HIBCH: variants seen among roughly 807,000 people sequenced by gnomAD.
The protein encoded by HIBCH is 3-hydroxyisobutyryl-CoA hydrolase, mitochondrial.
A neutral mutation model predicts 58.2 loss-of-function variants in HIBCH; 50 were observed. The observed-to-expected ratio is 0.86, with a 90% confidence interval of 0.68 to 1.09. The LOEUF is 1.09. Among genes scored for constraint, HIBCH ranks in the 50% least tolerant of loss-of-function variants. The pLI, the probability that HIBCH is intolerant of heterozygous loss-of-function variation, is 0.00. For synonymous variants in HIBCH, 151 were observed against 146.9 expected, an observed-to-expected ratio of 1.03 and a Z score of -0.20; for missense variants, 450 against 449.7, an observed-to-expected ratio of 1.00 and a Z score of -0.01.
intron 9 of HIBCH, 60 bp from the exon 10 acceptor site, chr2:190,246,272 T>TC: frequency 1.1e-6 from 1 of 922,392 alleles, no homozygotes; most frequent in Non-Finnish European, 1.7e-6. Flanking sequence ...CCTTAAAAAT[T>TC]CATATTTAAT....
intron 11 of HIBCH, among the ~76,000 whole-genome samples, chr2:190,234,099 G>A (rs1258595811): frequency 6.6e-6 from 1 of 152,208 alleles, no homozygotes; most frequent in African/African-American, 2.4e-5. Flanking sequence ...GGAGCTTGGA[G>A]TGAGCTGAGA....
In HIBCH at chr2:190,208,895, C is replaced by G; in HGVS notation, c.1030G>C (p.Glu344Gln). The G allele has an allele frequency of 6.2e-7, 1 of 1,613,684 alleles. No individual in the cohort carries two copies. The highest frequency in any genetic ancestry group is 2.2e-5 in the East Asian group (1 of 44,854). ...TGCCACTTACCAGCTCTAACGCCTT[C>G]ATGAAAGTCATGACCTCTCTGAAAG... ...QACMRGHDFH[E>Q]GVRAVLIDKD... Residue 344 changes from glutamate (E) to glutamine (Q), a missense_variant, in exon 13 of 14, where the codon GAA (glutamate) becomes CAA (glutamine). Coordinates refer to ENST00000359678, the MANE Select transcript of HIBCH (RefSeq NM_014362.4).
chr2:190,248,889 CTT>C (rs1439098005), intron 9 of HIBCH, among the ~76,000 whole-genome samples: 2 of 151,072 alleles, frequency 1.3e-5, no homozygotes, highest in Non-Finnish European at 3.0e-5. Flanking sequence ...AAAAAAAAAA[CTT>C]ATAATAAATC....
downstream of HIBCH, chr2:190,199,994 A>AAGAGGAAGTGAAGG (rs1192589400): frequency 1.4e-5 from 22 of 1,613,880 alleles, no homozygotes; most frequent in Non-Finnish European, 1.8e-5. Context: ...GTTAATGTCA[A>AAGAGGAAGTGAAGG]AGAGGAAGTG....
At position 190,243,351 on chromosome 2, in the gene HIBCH, G is replaced by A. The variant is rs922528637; in HGVS notation, c.891+1536C>T. ...CAGACTGGTCCTCATTGCTCCTCAAGCTTGTAGACAGCCTACTGTGGGACC... is the reference window on the plus strand; with the variant it reads ...CAGACTGGTCCTCATTGCTCCTCAAACTTGTAGACAGCCTACTGTGGGACC... On this transcript the variant is annotated intron_variant, in intron 11 of 13. Coordinates refer to ENST00000359678, the MANE Select transcript of HIBCH (RefSeq NM_014362.4). This position sits in a 1 kb window ranked among gnomAD's most constrained non-coding sequence, Gnocchi z 4.1. 5.3e-5 allele frequency among the ~76,000 whole-genome samples: 8 copies of A among 152,108 alleles called. No homozygotes were observed. Among genetic ancestry groups the A allele is most frequent in the African/African-American group, 1.9e-4 (8 of 41,406 alleles).
At chr2:190,308,276 G>GT (rs891290628) in intron 2 of HIBCH, among the ~76,000 whole-genome samples, 10 of 151,992 alleles carry the variant, frequency 6.6e-5, no homozygotes, top group Admixed American at 2.0e-4. Flanking sequence ...ACTGCTCCTA[G>GT]TTTTTTTTCT....
intron 5 of HIBCH, among the ~76,000 whole-genome samples, chr2:190,289,372 A>G (rs1575751720): frequency 6.6e-6 from 1 of 152,280 alleles, no homozygotes; most frequent in African/African-American, 2.4e-5. Flanking sequence ...CTATATGTCA[A>G]AATACGTTAA....
chr2:190,302,602 G>A (rs2136568), intron 2 of HIBCH, among the ~76,000 whole-genome samples: 107,477 of 152,000 alleles, frequency 0.71, 38,715 homozygotes, highest in Non-Finnish European at 0.75. Flanking sequence ...GGAAAATTTC[G>A]GCTGGTTTCT....
At chr2:190,218,320 G>C (rs565664580) in intron 11 of HIBCH, among the ~76,000 whole-genome samples, 1 of 152,142 alleles carries the variant, frequency 6.6e-6, no homozygotes, top group South Asian at 2.1e-4. Context: ...TAAAATATAA[G>C]GGCCCCATGC....
At chr2:190,234,620 C>A (rs1248886627) in intron 11 of HIBCH, among the ~76,000 whole-genome samples, 1 of 152,002 alleles carries the variant, frequency 6.6e-6, no homozygotes, top group Admixed American at 6.6e-5. Flanking sequence ...GAGGCCAAGG[C>A]GGGTGGATCA....
rs549430858 is a variant in HIBCH at position 190,221,096 on chromosome 2, CACACAA to C, written c.892-8027_892-8022del. On this transcript the variant is annotated intron_variant, in intron 11 of 13. Transcript: ENST00000359678. ...CGTTTATCTGTGCTTGTTTCATACACACACAAACACACACAAATAGGAAGAAAACTT... is the reference window on the plus strand; with the variant it reads ...CGTTTATCTGTGCTTGTTTCATACACACACACACAAATAGGAAGAAAACTT... Among the ~76,000 whole-genome samples, 54 of 58,824 alleles carry C rather than the reference CACACAA, an allele frequency of 9.2e-4. No individual in the cohort carries two copies. In the East Asian group the frequency reaches 0.014, roughly 15 times the overall value. 38.6% of individuals were successfully genotyped at this position (58,824 alleles called of 152,430 possible). A position where few individuals can be genotyped will look rare whatever the true frequency, so the allele number is the denominator to read the frequency against.
downstream of HIBCH, chr2:190,202,791 C>G (rs780522052): frequency 3.6e-5 from 6 of 167,026 alleles, no homozygotes; most frequent in Non-Finnish European, 7.3e-5. Flanking sequence ...AGCAGGTTAT[C>G]AGAGAAAATA....
At chr2:190,271,116 T>C (rs1214925050) in intron 6 of HIBCH, among the ~76,000 whole-genome samples, 2 of 151,942 alleles carry the variant, frequency 1.3e-5, no homozygotes, top group Non-Finnish European at 2.9e-5. Context: ...TTCTCAAATC[T>C]TAGTAAATAG....
chr2:190,273,669 T>G (rs1180605554), intron 6 of HIBCH, among the ~76,000 whole-genome samples: 3 of 150,924 alleles, frequency 2.0e-5, no homozygotes, highest in African/African-American at 7.3e-5. Context: ...TATTTCATTC[T>G]TAAAGAAAGC....
intron 6 of HIBCH, among the ~76,000 whole-genome samples, chr2:190,275,850 T>A (rs1687534290): frequency 6.6e-6 from 1 of 152,244 alleles, no homozygotes; most frequent in Non-Finnish European, 1.5e-5. Flanking sequence ...AATTCTTTTA[T>A]AATTGGTTCA....
At chr2:190,257,196 A>G (rs954813485) in intron 7 of HIBCH, among the ~76,000 whole-genome samples, 1 of 152,226 alleles carries the variant, frequency 6.6e-6, no homozygotes, top group African/African-American at 2.4e-5. Context: ...AAGAAAATAA[A>G]AAGACACAGG....
chr2:190,317,133 A>G (rs1688724834), intron 1 of HIBCH, among the ~76,000 whole-genome samples: 2 of 151,820 alleles, frequency 1.3e-5, no homozygotes, highest in Admixed American at 1.3e-4. Context: ...GTTGCCCAGG[A>G]TTGTCTTGAA....
chr2:190,199,644 T>C, downstream of HIBCH: 1 of 1,189,664 alleles, frequency 8.4e-7, no homozygotes. Context: ...CACTCAATCA[T>C]ACACTATTTT....
intron 11 of HIBCH, among the ~76,000 whole-genome samples, chr2:190,237,373 T>C (rs1373064079): frequency 2.6e-5 from 4 of 152,244 alleles, no homozygotes; most frequent in Non-Finnish European, 4.4e-5. Context: ...TTTATCATGC[T>C]GTGTGTAGCA....
Sources: gnomAD v4.1 joint callset for allele counts (sites outside exome capture counted in the v4.1 genomes callset) on GRCh38, gnomAD v4.1.1 for gene constraint, Gnocchi (gnomAD v3.1) non-coding constraint, MANE v1.5 for transcripts, NCBI Gene and HGNC (gene_info 2026-07-23, HGNC 2026-07-21) for gene names.